PPFIA1: variants seen among roughly 807,000 people sequenced by gnomAD.
The protein encoded by PPFIA1 is liprin-alpha-1.
A neutral mutation model predicts 149.9 loss-of-function variants in PPFIA1; 25 were observed. That is an observed-to-expected ratio of 0.17 (90% CI 0.12 to 0.23). The LOEUF is 0.23. Ranked by LOEUF, PPFIA1 falls within the 10% of genes least tolerant of loss-of-function variation. The probability of loss-of-function intolerance (pLI) is 1.00; values close to 1 mark genes in which losing one functional copy is unlikely to be tolerated. For synonymous variants in PPFIA1, 549 were observed against 552.8 expected (o/e 0.99, Z 0.10); for missense variants, 1,362 against 1,506.5 (o/e 0.90, Z 1.59).
chr11:70,315,678 GTTTTTTTTTTTTTT>G lies in PPFIA1; in HGVS notation c.265-8712_265-8699del, dbSNP rs71049904. On this transcript the variant is annotated intron_variant, in intron 2 of 27. Transcript: ENST00000253925. ...GCCTTCTGTGAAGTTCTTTTTTTCT[GTTTTTTTTTTTTTT>G]TTTTTTTTTTTGGTGGTAAAATACA... Among the ~76,000 whole-genome samples, 22 of 73,022 alleles carry G rather than the reference GTTTTTTTTTTTTTT, an allele frequency of 3.0e-4. No individual in the cohort carries two copies. In the East Asian group the frequency reaches 4.9e-3, roughly 16 times the overall value. 47.9% of individuals were successfully genotyped at this position (73,022 alleles called of 152,430 possible).
intron 23 of PPFIA1, among the ~76,000 whole-genome samples, chr11:70,373,207 GT>G (rs1187158577): frequency 1.9e-5 from 2 of 103,018 alleles, no homozygotes; most frequent in African/African-American, 6.1e-5. Context: ...AAATTTATTT[GT>G]TTGTTTGTTT....
intron 2 of PPFIA1, among the ~76,000 whole-genome samples, chr11:70,323,535 C>T (rs561344956): frequency 2.0e-5 from 3 of 152,300 alleles, no homozygotes; most frequent in South Asian, 2.1e-4. Context: ...GAGGGCACTA[C>T]ATTATCAGCT....
At chr11:70,290,546 A>C (rs1005048174) in intron 2 of PPFIA1, among the ~76,000 whole-genome samples, 8 of 152,220 alleles carry the variant, frequency 5.3e-5, no homozygotes, top group Admixed American at 2.6e-4. Flanking sequence ...CCTGTAGCTA[A>C]AAGTAAGGGC....
rs921581971 is a variant in PPFIA1, at chr11:70,383,749, G to C, written c.*759G>C. On this transcript the variant is annotated 3_prime_UTR_variant, in exon 28 of 28. Coordinates refer to ENST00000253925, the MANE Select transcript of PPFIA1 (RefSeq NM_003626.5). The stretch of plus-strand genomic sequence containing the variant: ...GAGCTTGTCTTCAGTGGCTGAGACT[G>C]TGAGCTGGGAGCAGTTCTCTCAGCT... 2 of 152,734 alleles carry C rather than the reference G, an allele frequency of 1.3e-5. No individual in the cohort carries two copies. Among genetic ancestry groups the C allele is most frequent in the African/African-American group, 4.8e-5 (2 of 41,472 alleles). 9.5% of individuals were successfully genotyped at this position (152,734 alleles called of 1,614,324 possible).
intron 21 of PPFIA1, chr11:70,371,959 T>A (rs563037169): frequency 3.5e-6 from 1 of 286,082 alleles, no homozygotes; most frequent in African/African-American, 2.2e-5. Flanking sequence ...CCAGTTACAG[T>A]TTTTTTGTAG....
chr11:70,295,326 G>A lies in PPFIA1; in HGVS notation c.264+22890G>A, dbSNP rs1479322061. ...CCCGGATGGGGCGGCTGGCTGGGCGGGGGGCTGACCCCCCCCACCTCCCTC... is the reference window on the plus strand; with the variant it reads ...CCCGGATGGGGCGGCTGGCTGGGCGAGGGGCTGACCCCCCCCACCTCCCTC... On this transcript the variant is annotated intron_variant, in intron 2 of 27. Coordinates refer to ENST00000253925, the MANE Select transcript of PPFIA1 (RefSeq NM_003626.5). Among the ~76,000 whole-genome samples the A allele has an allele frequency of 1.8e-4, 25 of 139,738 alleles. 2 individuals are homozygous for A. Among genetic ancestry groups the A allele is most frequent in the Admixed American group, 6.4e-4 (9 of 14,034 alleles). 91.7% of individuals were successfully genotyped at this position (139,738 alleles called of 152,430 possible). A position where few individuals can be genotyped will look rare whatever the true frequency, so the allele number is the denominator to read the frequency against.
chr11:70,349,885 T>G (rs1352232942), intron 16 of PPFIA1: 3 of 455,498 alleles, frequency 6.6e-6, no homozygotes, highest in Non-Finnish European at 1.3e-5. Context: ...CCGTCATTGG[T>G]TTTGATTTCC....
chr11:70,325,081 G>C, intron 4 of PPFIA1, 70 bp downstream of exon 4: 1 of 1,418,774 alleles, frequency 7.0e-7, no homozygotes. Context: ...AAGTGTTGGT[G>C]TAACTTTTGT....
At chr11:70,340,122 AC>A (rs2055226344) in intron 14 of PPFIA1, among the ~76,000 whole-genome samples, 1 of 150,012 alleles carries the variant, frequency 6.7e-6, no homozygotes, top group Non-Finnish European at 1.5e-5. Context: ...ACACAGGGAG[AC>A]CCCTGTCTCT....
chr11:70,322,437 C>T (rs1048466837), intron 2 of PPFIA1, among the ~76,000 whole-genome samples: 5 of 152,178 alleles, frequency 3.3e-5, no homozygotes, highest in South Asian at 2.1e-4. Context: ...GACAGAAGAC[C>T]GGTCTACTTG....
At chr11:70,337,310 A>G (rs889817523) in intron 11 of PPFIA1, 55 bp from the exon 12 acceptor site, 59 of 1,230,934 alleles carry the variant, frequency 4.8e-5, no homozygotes, top group Admixed American at 9.4e-5. Flanking sequence ...CAGCCATGCT[A>G]TATTTAAATG....
At chr11:70,280,256 A>G (rs1046848328) in intron 2 of PPFIA1, among the ~76,000 whole-genome samples, 3 of 143,598 alleles carry the variant, frequency 2.1e-5, no homozygotes, top group Admixed American at 2.0e-4. Flanking sequence ...ATATAAATAT[A>G]TATGTATATA....
chr11:70,360,823 A>G (rs1378760866), intron 19 of PPFIA1, among the ~76,000 whole-genome samples: 1 of 152,264 alleles, frequency 6.6e-6, no homozygotes, highest in African/African-American at 2.4e-5. Flanking sequence ...TTATTATAGA[A>G]AAAATGGACT....
chr11:70,373,988 GT>G (rs1428170332), intron 23 of PPFIA1: 1 of 152,220 alleles, frequency 6.6e-6, no homozygotes, highest in African/African-American at 2.4e-5. Context: ...CTTTGGAAGT[GT>G]CTTTGGAAGT....
intron 2 of PPFIA1, among the ~76,000 whole-genome samples, chr11:70,293,722 C>T (rs1555084015): frequency 6.6e-6 from 1 of 152,152 alleles, no homozygotes; most frequent in East Asian, 1.9e-4. Flanking sequence ...AGCCAGTCTC[C>T]GAAGGGTCTT....
chr11:70,362,354 A>T lies in PPFIA1; in HGVS notation c.2731A>T (p.Met911Leu), dbSNP rs960105575. The change falls in exon 21 of 28, where the codon ATG becomes TTG. Residue 911 changes from methionine to leucine, a missense_variant. Coordinates refer to ENST00000253925, the MANE Select transcript of PPFIA1 (RefSeq NM_003626.5). ...AGCAAACGTGAAAAGCGGGGCCATCATGTCGGCCCTGTCCGACACAGAGAT... is the reference window on the plus strand; with the variant it reads ...AGCAAACGTGAAAAGCGGGGCCATCTTGTCGGCCCTGTCCGACACAGAGAT... ...CRANVKSGAI[M>L]SALSDTEIQR... is the part of the protein sequence containing the mutation. The T allele has an allele frequency of 1.9e-6, 3 of 1,614,060 alleles. No homozygotes were observed. The highest frequency in any genetic ancestry group is 1.3e-5 in the African/African-American group (1 of 74,920).
chr11:70,323,566 C>T (rs1246678299), intron 2 of PPFIA1, among the ~76,000 whole-genome samples: 3 of 152,176 alleles, frequency 2.0e-5, no homozygotes, highest in Non-Finnish European at 1.5e-5. Context: ...GGAACAGAGT[C>T]GCTGCCTCAC....
At chr11:70,342,632 G>A (rs953464317) in intron 14 of PPFIA1, among the ~76,000 whole-genome samples, 2 of 152,168 alleles carry the variant, frequency 1.3e-5, no homozygotes, top group African/African-American at 2.4e-5. Context: ...ATGTGGACAC[G>A]CAGGTTGGTT....
chr11:70,320,436 C>CTT lies in PPFIA1; in HGVS notation c.265-3947_265-3946dup, dbSNP rs34619705. Among the ~76,000 whole-genome samples, 366 of 128,290 alleles carry CTT rather than the reference C, an allele frequency of 2.9e-3. 7 individuals are homozygous for CTT. The highest frequency in any genetic ancestry group is 9.5e-3 in the African/African-American group (311 of 32,778). 84.2% of individuals were successfully genotyped at this position (128,290 alleles called of 152,430 possible). On this transcript the variant is annotated intron_variant, in intron 2 of 27. Coordinates refer to ENST00000253925, the MANE Select transcript of PPFIA1 (RefSeq NM_003626.5). Reference sequence around the variant, plus strand: ...GTGGAGTTAGAACTAGATGTAGCTACTTTTTTTTTTTTTTTTTTTTGAGAC... The same window carrying CTT: ...GTGGAGTTAGAACTAGATGTAGCTACTTTTTTTTTTTTTTTTTTTTTTGAGAC...
Sources: gnomAD v4.1 joint callset for allele counts (sites outside exome capture counted in the v4.1 genomes callset) on GRCh38, gnomAD v4.1.1 for gene constraint, MANE v1.5 for transcripts, NCBI Gene and HGNC (gene_info 2026-07-23, HGNC 2026-07-21) for gene names.